Variants in HSD17B3 observed in about 807,000 individuals in gnomAD.
The protein encoded by HSD17B3 is hydroxysteroid 17-beta dehydrogenase 3.
Under a neutral mutation model 41.1 loss-of-function variants are expected in HSD17B3, and 29 were observed. The ratio of observed to expected loss-of-function variants is 0.71; its 90% CI spans 0.53 to 0.96. The LOEUF is 0.96. Among genes scored for constraint, HSD17B3 ranks in the 40% least tolerant of loss-of-function variants. The pLI, the probability that HSD17B3 is intolerant of heterozygous loss-of-function variation, is 0.00. For synonymous variants in HSD17B3, 126 were observed against 145.6 expected, an observed-to-expected ratio of 0.87 and a Z score of 0.97; for missense variants, 323 against 374.6, an observed-to-expected ratio of 0.86 and a Z score of 1.14.
chr9:96,301,272 T>C (rs767257339), intron 1 of HSD17B3, among the ~76,000 whole-genome samples: 3 of 151,902 alleles, frequency 2.0e-5, no homozygotes, highest in Non-Finnish European at 4.4e-5. Context: ...ATATCCCTTT[T>C]GAGACATAAA....
At chr9:96,275,093 G>GAA (rs202020484) in intron 2 of HSD17B3, among the ~76,000 whole-genome samples, 3 of 145,956 alleles carry the variant, frequency 2.1e-5, no homozygotes, top group Admixed American at 6.8e-5. Context: ...ATACTGAAAG[G>GAA]AAAAAAAAAA....
chr9:96,243,359 T>C (rs1024646291), intron 9 of HSD17B3, among the ~76,000 whole-genome samples: 3 of 152,172 alleles, frequency 2.0e-5, no homozygotes, highest in Admixed American at 1.3e-4. Context: ...GGCAAGGCTG[T>C]TACAACCACT....
chr9:96,272,310 T>C (rs1008188081), intron 2 of HSD17B3, among the ~76,000 whole-genome samples: 3 of 144,578 alleles, frequency 2.1e-5, no homozygotes, highest in South Asian at 2.3e-4. Context: ...CTGGGAGACA[T>C]AGGTTGCAGT....
In HSD17B3 at chr9:96,302,065, G is replaced by T. The variant is rs1407024099; in HGVS notation, c.40C>A (p.Leu14Met). 4.3e-6 allele frequency: 7 copies of T among 1,614,004 alleles called. No homozygotes were observed. The Admixed American group carries it at 1.2e-4, about 27-fold the overall frequency. ...VLEQFFILTG[L>M]LVCLACLAKC... The stretch of plus-strand genomic sequence containing the variant: ...GCCAGGCAGGCCAGGCACACCAGCA[G>T]CCCTGTGAGGATGAAGAACTGTTCC... Residue 14 changes from leucine to methionine, a missense_variant, in exon 1 of 11, where the codon CTG becomes ATG. Physicochemically the swap from Leu to Met is conservative, Grantham distance 15 (BLOSUM62 2). Coordinates refer to ENST00000375263, the MANE Select transcript of HSD17B3 (RefSeq NM_000197.2).
Position 96,301,931 on chromosome 9 carries a change from G to T in HSD17B3, c.154+20C>A, listed in dbSNP as rs377243298. ...AGGAACAACAGCAGCAAAAAAACAT[G>T]AGATGGAACACTCCCTTACCTGCCC... On this transcript the variant is annotated intron_variant, in intron 1 of 10. Transcript: ENST00000375263. 169 of 1,612,494 alleles carry T rather than the reference G, an allele frequency of 1.0e-4. No homozygotes were observed. The African/African-American group carries it at 1.8e-3, about 18-fold the overall frequency.
At chr9:96,288,157 T>C (rs1419461045) in intron 2 of HSD17B3, among the ~76,000 whole-genome samples, 1 of 152,234 alleles carries the variant, frequency 6.6e-6, no homozygotes, top group African/African-American at 2.4e-5. Flanking sequence ...CAGGTGTACC[T>C]GATCTTACTC....
chr9:96,250,185 T>A, intron 5 of HSD17B3: 1 of 1,152,138 alleles, frequency 8.7e-7, no homozygotes, highest in Non-Finnish European at 1.1e-6. Flanking sequence ...GGTTCTGGGC[T>A]ATGGAGGGCA....
At chr9:96,276,078 C>G (rs1352705720) in intron 2 of HSD17B3, among the ~76,000 whole-genome samples, 1 of 135,830 alleles carries the variant, frequency 7.4e-6, no homozygotes, top group East Asian at 2.4e-4. Context: ...TGCACTCCAA[C>G]CTGGGTGACA....
At chr9:96,279,454 T>C (rs986604786) in intron 2 of HSD17B3, among the ~76,000 whole-genome samples, 1 of 151,910 alleles carries the variant, frequency 6.6e-6, no homozygotes, top group Non-Finnish European at 1.5e-5. Context: ...GAGAAGGGAG[T>C]GTCTGGGTAA....
At chr9:96,254,502 TA>T (rs1246739226) in intron 3 of HSD17B3, among the ~76,000 whole-genome samples, 1 of 152,194 alleles carries the variant, frequency 6.6e-6, no homozygotes, top group Non-Finnish European at 1.5e-5. Flanking sequence ...ATCCATGAAA[TA>T]GTATAGTTAG....
At position 96,235,536 on chromosome 9, in the gene HSD17B3, A is replaced by G. The variant is rs1392138806; in HGVS notation, c.857T>C (p.Phe286Ser). The change falls in exon 11 of 11, where the codon TTC (phenylalanine) becomes TCC (serine). Residue 286 changes from phenylalanine (F) to serine (S), a missense_variant. Physicochemically the swap from Phe to Ser is radical, Grantham distance 155. Coordinates refer to ENST00000375263, the MANE Select transcript of HSD17B3 (RefSeq NM_000197.2). ...CAGCCTTTGGAAGGCACCGCTGTAG[A>G]AGGCCCAGGCCGGGATCAGGCTCAG... ...GFLSLIPAWAFYSGAFQRLLL... is the reference protein window; with the variant it reads ...GFLSLIPAWASYSGAFQRLLL... 7 of 1,614,170 alleles carry G rather than the reference A, an allele frequency of 4.3e-6. No individual in the cohort carries two copies. Among genetic ancestry groups the G allele is most frequent in the Non-Finnish European group, 5.9e-6 (7 of 1,180,034 alleles).
At chr9:96,251,227 C>G (rs376652243) in intron 5 of HSD17B3, 191 bp downstream of exon 5, 2 of 606,186 alleles carry the variant, frequency 3.3e-6, no homozygotes, top group Non-Finnish European at 5.9e-6. Flanking sequence ...CTAGAGATAT[C>G]GTGAAAAGTG....
chr9:96,235,527 C>T lies in HSD17B3; in HGVS notation c.866G>A (p.Gly289Asp), dbSNP rs1436951185. 1 of 1,614,146 alleles carries T rather than the reference C, an allele frequency of 6.2e-7. No individual in the cohort carries two copies. Among genetic ancestry groups the T allele is most frequent in the Admixed American group, 1.7e-5 (1 of 60,028 alleles). Residue 289 changes from glycine to aspartate, a missense_variant, in exon 11 of 11, where the codon GGT becomes GAT. Transcript: ENST00000375263. The stretch of plus-strand genomic sequence containing the variant: ...TGTCAGGAGCAGCCTTTGGAAGGCA[C>T]CGCTGTAGAAGGCCCAGGCCGGGAT... The part of the protein sequence containing the change: ...SLIPAWAFYS[G>D]AFQRLLLTHY...
chr9:96,250,332 C>T (rs1836845432), intron 5 of HSD17B3: 2 of 1,078,066 alleles, frequency 1.9e-6, no homozygotes, highest in South Asian at 8.6e-5. Context: ...TAGATTTGTG[C>T]CAGAAACAGA....
At chr9:96,248,716 T>C (rs895613051) in intron 6 of HSD17B3, among the ~76,000 whole-genome samples, 3 of 152,160 alleles carry the variant, frequency 2.0e-5, no homozygotes, top group African/African-American at 7.2e-5. Flanking sequence ...AACACGTCAT[T>C]CACACAAAAT....
intron 9 of HSD17B3, among the ~76,000 whole-genome samples, chr9:96,243,746 G>T (rs547857681): frequency 2.7e-4 from 41 of 152,296 alleles, no homozygotes; most frequent in African/African-American, 9.6e-4. Context: ...TGACAGCCCA[G>T]CTCTGCCTAG....
At chr9:96,271,176 C>T (rs1826233008) in intron 2 of HSD17B3, among the ~76,000 whole-genome samples, 1 of 152,070 alleles carries the variant, frequency 6.6e-6, no homozygotes, top group African/African-American at 2.4e-5. Flanking sequence ...ATAAAAGAGA[C>T]ATGGTACATC....
intron 2 of HSD17B3, among the ~76,000 whole-genome samples, chr9:96,291,698 T>C (rs1194502052): frequency 1.3e-5 from 2 of 152,206 alleles, no homozygotes; most frequent in Non-Finnish European, 1.5e-5. Context: ...GGCTCATGCC[T>C]GTAATCCCAG....
At chr9:96,279,788 T>TG (rs776802707) in intron 2 of HSD17B3, among the ~76,000 whole-genome samples, 95 of 151,842 alleles carry the variant, frequency 6.3e-4, no homozygotes, top group Non-Finnish European at 1.1e-3. Flanking sequence ...TTTTTTTTTT[T>TG]AGATGGAGTC....
Sources: allele counts gnomAD v4.1 joint callset (sites outside exome capture counted in the v4.1 genomes callset), GRCh38; gene constraint gnomAD v4.1.1; transcripts MANE v1.5; gene names NCBI Gene and HGNC (gene_info 2026-07-23, HGNC 2026-07-21).